SKP1: variants seen among roughly 807,000 people sequenced by gnomAD.
SKP1 encodes the protein S-phase kinase associated protein 1.
A neutral mutation model predicts 21.5 loss-of-function variants in SKP1; 1 was observed. The ratio of observed to expected loss-of-function variants is 0.05; its 90% CI spans 0.02 to 0.22. SKP1 has a LOEUF of 0.22. Ranked by LOEUF, SKP1 falls within the 10% of genes least tolerant of loss-of-function variation. SKP1 has a pLI of 1.00. For missense variants in SKP1, 70 were observed against 192.0 expected (o/e 0.36, Z 3.76); for synonymous variants, 59 against 59.3 (o/e 0.99, Z 0.03).
At chr5:134,163,300 T>C (rs963217342) in intron 3 of SKP1, among the ~76,000 whole-genome samples, 5 of 140,410 alleles carry the variant, frequency 3.6e-5, no homozygotes, top group African/African-American at 1.3e-4. Context: ...ATAAAGAAAC[T>C]AATGCCTAGG....
At chr5:134,159,234 ACTTT>A (rs1156919377) in intron 4 of SKP1, among the ~76,000 whole-genome samples, 2 of 152,154 alleles carry the variant, frequency 1.3e-5, no homozygotes, top group Non-Finnish European at 2.9e-5. Flanking sequence ...AGCTCAAAAT[ACTTT>A]CTATTTCTTC....
chr5:134,166,954 A>T (rs982758215), intron 3 of SKP1, among the ~76,000 whole-genome samples: 1 of 152,234 alleles, frequency 6.6e-6, no homozygotes, highest in Non-Finnish European at 1.5e-5. Flanking sequence ...AATAAATGAC[A>T]ATAGTCAACT....
chr5:134,170,000 CAAAAAA>C (rs1312695127), intron 2 of SKP1, among the ~76,000 whole-genome samples: 1 of 76,930 alleles, frequency 1.3e-5, no homozygotes, highest in Admixed American at 1.5e-4. Flanking sequence ...GACTCCATCT[CAAAAAA>C]AAAAAAAAAA....
chr5:134,155,062 G>A lies in SKP1; in HGVS notation c.*2671C>T, dbSNP rs149595078. 1 of 152,296 alleles carries A rather than the reference G, an allele frequency of 6.6e-6. No homozygotes were observed. The highest frequency in any genetic ancestry group is 1.9e-4 in the East Asian group (1 of 5,186). 9.4% of individuals were successfully genotyped at this position (152,296 alleles called of 1,614,324 possible). On this transcript the variant is annotated 3_prime_UTR_variant, in exon 6 of 6. Coordinates refer to ENST00000353411, the MANE Select transcript of SKP1 (RefSeq NM_170679.3). Reference sequence around the variant, plus strand: ...CTGCTGTCAAGTGACTTCCAATGAAGTTCTGGAACTAATATAAAGCAGACT... The same window carrying A: ...CTGCTGTCAAGTGACTTCCAATGAAATTCTGGAACTAATATAAAGCAGACT...
chr5:134,158,828 A>G (rs924923826), intron 4 of SKP1, among the ~76,000 whole-genome samples: 1 of 152,232 alleles, frequency 6.6e-6, no homozygotes, highest in Admixed American at 6.5e-5. Context: ...ATACTAGCTC[A>G]AATGTGAAAT....
At chr5:134,157,939 C>T (rs1418709217) in intron 5 of SKP1, 171 bp from the exon 6 acceptor site, 2 of 1,532,846 alleles carry the variant, frequency 1.3e-6, no homozygotes, top group African/African-American at 2.7e-5. Flanking sequence ...TCTTTGCCTC[C>T]CATGGTTTTT....
Position 134,151,265 on chromosome 5 carries a change from C to T in SKP1, c.*6468G>A, listed in dbSNP as rs1580921460. 6.6e-6 allele frequency: 1 copy of T among 152,314 alleles called. No individual in the cohort carries two copies. Among genetic ancestry groups the T allele is most frequent in the African/African-American group, 2.4e-5 (1 of 41,294 alleles). 9.4% of individuals were successfully genotyped at this position (152,314 alleles called of 1,614,324 possible). ...TGCAATGTCAGGAAGCGGGGTGGGG[C>T]TTGGGGAGGGAAGAGGAAAAGCCAG... On this transcript the variant is annotated 3_prime_UTR_variant, in exon 6 of 6. Coordinates refer to ENST00000353411, the MANE Select transcript of SKP1 (RefSeq NM_170679.3).
intron 4 of SKP1, among the ~76,000 whole-genome samples, chr5:134,160,768 G>T (rs1580925826): frequency 6.6e-6 from 1 of 152,148 alleles, no homozygotes; most frequent in African/African-American, 2.4e-5. Context: ...CTTACAGACA[G>T]CACAGCTAAG....
At position 134,158,609 on chromosome 5, in the gene SKP1, G is replaced by C. The variant is rs757490098; in HGVS notation, c.316-14C>G. 3 of 1,610,222 alleles carry C rather than the reference G, an allele frequency of 1.9e-6. No individual in the cohort carries two copies. Among genetic ancestry groups the C allele is most frequent in the Admixed American group, 3.3e-5 (2 of 60,010 alleles). On this transcript the variant is annotated splice_polypyrimidine_tract_variant and intron_variant, in intron 4 of 5. Coordinates refer to ENST00000353411, the MANE Select transcript of SKP1 (RefSeq NM_170679.3). ...GTAGTTTGCAGCCTGTAAAGAGACA[G>C]TTGTTTTCCTTAAAGTATACTTGAT...
At chr5:134,174,300 A>G (rs1335146125) in intron 1 of SKP1, among the ~76,000 whole-genome samples, 3 of 152,242 alleles carry the variant, frequency 2.0e-5, no homozygotes, top group African/African-American at 7.2e-5. Context: ...AAACATACAT[A>G]TTTGTATTTG....
intron 2 of SKP1, among the ~76,000 whole-genome samples, chr5:134,173,161 C>G (rs949122400): frequency 6.6e-6 from 1 of 151,834 alleles, no homozygotes; most frequent in African/African-American, 2.4e-5. Context: ...GGAGAAACCC[C>G]GTCTCTAACA....
chr5:134,173,522 C>T, intron 2 of SKP1: 1 of 347,298 alleles, frequency 2.9e-6, no homozygotes, highest in Admixed American at 3.9e-5. Flanking sequence ...ATCTACACAG[C>T]AATCCACAGA....
intron 4 of SKP1, among the ~76,000 whole-genome samples, chr5:134,159,811 TGCTGGGATTATA>T (rs1381363488): frequency 6.6e-6 from 1 of 151,932 alleles, no homozygotes; most frequent in African/African-American, 2.4e-5. Context: ...CCTCCCAAAG[TGCTGGGATTATA>T]GGCGTGAGCC....
rs1423512738 is a variant in SKP1, at chr5:134,150,127, A to G, written c.*7606T>C. The stretch of plus-strand genomic sequence containing the variant: ...CCCTCCCCTGGTACAGCTGCTCCCC[A>G]TTTTGTTCTCTGTGGATATGGTGAG... On this transcript the variant is annotated 3_prime_UTR_variant, in exon 6 of 6. Coordinates refer to ENST00000353411, the MANE Select transcript of SKP1 (RefSeq NM_170679.3). 1 of 151,644 alleles carries G rather than the reference A, an allele frequency of 6.6e-6. No homozygotes were observed. Among genetic ancestry groups the G allele is most frequent in the Non-Finnish European group, 1.5e-5 (1 of 67,908 alleles). 9.4% of individuals were successfully genotyped at this position (151,644 alleles called of 1,614,324 possible). A position where few individuals can be genotyped will look rare whatever the true frequency, so the allele number is the denominator to read the frequency against.
In SKP1 at chr5:134,149,055, G is replaced by A. The variant is rs959480802; in HGVS notation, c.*8678C>T. On this transcript the variant is annotated 3_prime_UTR_variant, in exon 6 of 6. Coordinates refer to ENST00000353411, the MANE Select transcript of SKP1 (RefSeq NM_170679.3). ...TATATTGTGTAGCGGTGAGGTCCGG[G>A]CTATTTTTAGATTATTTGTATACAT... 6.6e-6 allele frequency: 1 copy of A among 152,100 alleles called. No homozygotes were observed. Among genetic ancestry groups the A allele is most frequent in the African/African-American group, 2.4e-5 (1 of 41,492 alleles). The allele number at this position is 152,100 out of a possible 1,614,324, so 9.4% of individuals were successfully genotyped here. A position where few individuals can be genotyped will look rare whatever the true frequency, so the allele number is the denominator to read the frequency against.
chr5:134,176,029 C>T (rs1204622526), intron 1 of SKP1, among the ~76,000 whole-genome samples: 1 of 152,186 alleles, frequency 6.6e-6, no homozygotes, highest in Non-Finnish European at 1.5e-5. Context: ...GAAACGGATA[C>T]ATTCTACTGT....
chr5:134,162,169 G>C (rs752528095), intron 3 of SKP1, among the ~76,000 whole-genome samples: 1 of 152,050 alleles, frequency 6.6e-6, no homozygotes, highest in African/African-American at 2.4e-5. Flanking sequence ...ATGCAGTGCC[G>C]CGATCATGGC....
intron 3 of SKP1, among the ~76,000 whole-genome samples, chr5:134,163,457 AATATG>A (rs1212095737): frequency 6.6e-6 from 1 of 151,492 alleles, no homozygotes; most frequent in African/African-American, 2.4e-5. Flanking sequence ...TATTCTTCAA[AATATG>A]ATATATATTC....
intron 1 of SKP1, 106 bp downstream of exon 1, chr5:134,176,749 G>A (rs1256232291): frequency 6.6e-6 from 1 of 152,460 alleles, no homozygotes; most frequent in Non-Finnish European, 1.5e-5. Flanking sequence ...AGAAGGCCAG[G>A]CCCAGTCACC....
Sources: gnomAD v4.1 joint callset for allele counts (sites outside exome capture counted in the v4.1 genomes callset) on GRCh38, gnomAD v4.1.1 for gene constraint, MANE v1.5 for transcripts, NCBI Gene and HGNC (gene_info 2026-07-23, HGNC 2026-07-21) for gene names.